Variants in CTNNA3 observed in about 807,000 individuals in gnomAD.
CTNNA3 encodes the protein catenin alpha 3, also known as catenin alpha-3.
Under a neutral mutation model 95.7 loss-of-function variants are expected in CTNNA3, and 76 were observed. The observed-to-expected ratio is 0.79, with a 90% CI of 0.66 to 0.96. The LOEUF (loss-of-function observed/expected upper bound fraction) is 0.96, where lower values mean the gene tolerates loss of function less well. Ranked by LOEUF, CTNNA3 falls within the 40% of genes least tolerant of loss-of-function variation. CTNNA3 has a pLI of 0.00. For missense variants in CTNNA3, 1,191 were observed against 1,089.8 expected (o/e 1.09, Z -1.31); for synonymous variants, 431 against 374.4 (o/e 1.15, Z -1.74).
intron 1 of CTNNA3, among the ~76,000 whole-genome samples, chr10:67,716,916 G>A (rs1841147281): frequency 6.6e-6 from 1 of 152,124 alleles, no homozygotes; most frequent in East Asian, 1.9e-4. Context: ...CACAATGGTT[G>A]AACTAATTTA....
chr10:66,503,971 GT>G (rs1840364895), intron 11 of CTNNA3, among the ~76,000 whole-genome samples: 1 of 151,964 alleles, frequency 6.6e-6, no homozygotes, highest in South Asian at 2.1e-4. Flanking sequence ...ACAACATGAT[GT>G]TTTGAAATAT....
At chr10:67,365,898 A>G (rs1277480368) in intron 5 of CTNNA3, among the ~76,000 whole-genome samples, 2 of 152,240 alleles carry the variant, frequency 1.3e-5, no homozygotes, top group Non-Finnish European at 2.9e-5. Flanking sequence ...AGGATTATAA[A>G]TCATGCTACT....
chr10:66,630,839 A>T (rs1333636462), intron 9 of CTNNA3, among the ~76,000 whole-genome samples: 1 of 152,154 alleles, frequency 6.6e-6, no homozygotes, highest in Non-Finnish European at 1.5e-5. Flanking sequence ...GCACATAGCA[A>T]ATTGCAGGGA....
At chr10:67,557,930 T>C (rs1841318190) in intron 3 of CTNNA3, among the ~76,000 whole-genome samples, 1 of 152,210 alleles carries the variant, frequency 6.6e-6, no homozygotes, top group African/African-American at 2.4e-5. Flanking sequence ...CTTCTGCCAC[T>C]AGATTGCAAC....
intron 9 of CTNNA3, among the ~76,000 whole-genome samples, chr10:66,748,258 G>T (rs552505964): frequency 6.6e-6 from 1 of 152,290 alleles, no homozygotes; most frequent in East Asian, 1.9e-4. Context: ...TCTCTGTGTT[G>T]AAAAAGCAAT....
intron 7 of CTNNA3, among the ~76,000 whole-genome samples, chr10:67,009,463 C>G (rs1380116131): frequency 6.6e-6 from 1 of 151,862 alleles, no homozygotes; most frequent in African/African-American, 2.4e-5. Flanking sequence ...TATACATAAC[C>G]TCTTTCATCT....
intron 7 of CTNNA3, among the ~76,000 whole-genome samples, chr10:66,998,698 C>T (rs537361548): frequency 6.6e-6 from 1 of 152,120 alleles, no homozygotes; most frequent in Admixed American, 6.6e-5. Flanking sequence ...ATAACATTGT[C>T]CAGAATATAC....
intron 12 of CTNNA3, among the ~76,000 whole-genome samples, chr10:66,308,357 A>C (rs1258090157): frequency 2.0e-5 from 3 of 152,162 alleles, no homozygotes; most frequent in African/African-American, 7.2e-5. Flanking sequence ...CAATAAATTA[A>C]AAGCACTAAA....
chr10:66,163,473 C>T (rs903760564), intron 13 of CTNNA3, among the ~76,000 whole-genome samples: 5 of 152,092 alleles, frequency 3.3e-5, no homozygotes, highest in Admixed American at 3.3e-4. Context: ...GCAAACAGAC[C>T]TTCAGGTTCT....
intron 7 of CTNNA3, among the ~76,000 whole-genome samples, chr10:66,906,325 A>T (rs1401268952): frequency 1.3e-5 from 2 of 152,190 alleles, no homozygotes. Context: ...TCAAAACTCT[A>T]TGCCTAGAAA....
chr10:67,224,790 G>T (rs1409008073), intron 5 of CTNNA3, among the ~76,000 whole-genome samples: 1 of 152,208 alleles, frequency 6.6e-6, no homozygotes, highest in Admixed American at 6.5e-5. Context: ...AGAGAAGCAG[G>T]GGTTGGGGGA....
intron 16 of CTNNA3, among the ~76,000 whole-genome samples, chr10:65,980,942 A>G (rs2078308580): frequency 6.6e-6 from 1 of 152,108 alleles, no homozygotes; most frequent in Non-Finnish European, 1.5e-5. Flanking sequence ...CAAGACAAGG[A>G]TGACCACTTT....
intron 6 of CTNNA3, among the ~76,000 whole-genome samples, chr10:67,198,069 G>A (rs1027642115): frequency 6.6e-6 from 1 of 152,118 alleles, no homozygotes; most frequent in African/African-American, 2.4e-5. Context: ...GATAGTACAA[G>A]TAAGAAACTG....
chr10:66,734,425 T>C (rs1487357859), intron 9 of CTNNA3, among the ~76,000 whole-genome samples: 1 of 152,170 alleles, frequency 6.6e-6, no homozygotes, highest in Admixed American at 6.5e-5. Context: ...TTTTTCAGCA[T>C]GTTAAGAAAA....
At chr10:66,308,979 A>C (rs2091967943) in intron 12 of CTNNA3, among the ~76,000 whole-genome samples, 1 of 152,184 alleles carries the variant, frequency 6.6e-6, no homozygotes, top group Admixed American at 6.5e-5. Context: ...CAAATTGCTT[A>C]ATATGCTATT....
At chr10:67,567,588 C>G (rs1417212581) in intron 3 of CTNNA3, among the ~76,000 whole-genome samples, 1 of 152,070 alleles carries the variant, frequency 6.6e-6, no homozygotes, top group Non-Finnish European at 1.5e-5. Flanking sequence ...TATATTTGTA[C>G]AAAGAAAAAT....
intron 12 of CTNNA3, among the ~76,000 whole-genome samples, chr10:66,336,598 A>AT (rs2092399263): frequency 6.6e-6 from 1 of 152,066 alleles, no homozygotes; most frequent in Non-Finnish European, 1.5e-5. Flanking sequence ...TTCACACAAT[A>AT]TTTTTTGTAA....
At chr10:66,336,162 T>C (rs2092393325) in intron 12 of CTNNA3, among the ~76,000 whole-genome samples, 1 of 152,098 alleles carries the variant, frequency 6.6e-6, no homozygotes, top group Admixed American at 6.5e-5. Flanking sequence ...CGGAATTCCC[T>C]GACCCCTTGT....
Position 66,735,561 on chromosome 10 carries a change from C to A in CTNNA3, c.1281+30703G>T, listed in dbSNP as rs534691003. Reference sequence around the variant, plus strand: ...CCATTTTAATTTATAACATTTATAACTTTATATATATTTACTCTTACTATT... The same window carrying A: ...CCATTTTAATTTATAACATTTATAAATTTATATATATTTACTCTTACTATT... On this transcript the variant is annotated intron_variant, in intron 9 of 17. Coordinates refer to ENST00000433211, the MANE Select transcript of CTNNA3 (RefSeq NM_013266.4). Among the ~76,000 whole-genome samples the A allele has an allele frequency of 6.6e-5, 10 of 151,748 alleles. No homozygotes were observed. The South Asian group carries it at 1.9e-3, about 28-fold the overall frequency.
Sources: gnomAD v4.1 joint callset for allele counts (sites outside exome capture counted in the v4.1 genomes callset) on GRCh38, gnomAD v4.1.1 for gene constraint, MANE v1.5 for transcripts, NCBI Gene and HGNC (gene_info 2026-07-23, HGNC 2026-07-21) for gene names.